The following CFHR2 variants were observed in gnomAD, a reference collection of about 807,000 sequenced individuals.
CFHR2 encodes the protein complement factor H related 2.
In CFHR2, 22 loss-of-function variants were observed where a neutral mutation model predicts 21.7. That is an observed-to-expected ratio of 1.01 (90% confidence interval 0.72 to 1.45). The LOEUF is 1.45. Among genes scored for constraint, CFHR2 ranks in the 40% most tolerant of loss-of-function variants. The pLI is 0.00. For synonymous variants in CFHR2, 98 were observed against 97.4 expected, an observed-to-expected ratio of 1.01 and a Z score of -0.04; for missense variants, 294 against 293.3, an observed-to-expected ratio of 1.00 and a Z score of -0.02.
chr1:196,956,482 A>T (rs144899945), intron 3 of CFHR2, among the ~76,000 whole-genome samples: 109 of 151,754 alleles, frequency 7.2e-4, no homozygotes, highest in African/African-American at 2.6e-3. Context: ...CTCTTTCTGG[A>T]TTGCCTCTCC....
intron 2 of CFHR2, 141 bp from the exon 3 acceptor site, chr1:196,950,711 G>T: frequency 1.1e-6 from 1 of 881,882 alleles, no homozygotes; most frequent in Non-Finnish European, 1.8e-6. Flanking sequence ...GGCCTCAAAT[G>T]ATCCACTCAC....
In CFHR2 at chr1:196,956,859, C is replaced by T. The variant is rs573371865; in HGVS notation, c.431-1032C>T. On this transcript the variant is annotated intron_variant, in intron 3 of 4. Transcript: ENST00000367415. Reference sequence around the variant, plus strand: ...TTTTAGGTGTTATATTTTGAGTACTCGATTGCAAAAATCTTATTTGGCAGG... The same window carrying T: ...TTTTAGGTGTTATATTTTGAGTACTTGATTGCAAAAATCTTATTTGGCAGG... 9.3e-5 allele frequency among the ~76,000 whole-genome samples: 14 copies of T among 151,062 alleles called. No individual in the cohort carries two copies. The South Asian group carries it at 2.5e-3, about 27-fold the overall frequency.
rs1225175153 is a variant in CFHR2, at chr1:196,950,925, T to C, written c.327T>C (p.Thr109=). The C allele has an allele frequency of 1.2e-6, 2 of 1,613,980 alleles. No individual in the cohort carries two copies. The highest frequency in any genetic ancestry group is 1.7e-6 in the Non-Finnish European group (2 of 1,179,998). ...GACAAACACATCTGGAAGGTGATAC[T>C]GTACAAATTATTTGCAACACAGGAT... is the stretch of plus-strand genomic sequence containing the variant. ...SSGQTHLEGD[T]VQIICNTGYR... The change falls in exon 3 of 5, where the codon ACT becomes ACC. Residue 109 remains threonine, a synonymous_variant. Transcript: ENST00000367415.
At chr1:196,951,111 G>A (rs962564824) in intron 3 of CFHR2, 83 bp downstream of exon 3, 11 of 1,476,040 alleles carry the variant, frequency 7.5e-6, no homozygotes, top group African/African-American at 1.4e-5. Flanking sequence ...TTAAATATAG[G>A]TTAAATATAG....
intron 1 of CFHR2, among the ~76,000 whole-genome samples, chr1:196,947,119 GTA>G (rs1440056190): frequency 6.7e-6 from 1 of 149,690 alleles, no homozygotes; most frequent in Non-Finnish European, 1.5e-5. Flanking sequence ...CTGTACAACT[GTA>G]TATATGTATG....
intron 1 of CFHR2, among the ~76,000 whole-genome samples, chr1:196,947,069 C>T (rs114631700): frequency 3.3e-5 from 5 of 151,848 alleles, no homozygotes; most frequent in Admixed American, 1.3e-4. Context: ...GTCACATGAG[C>T]GATCAGTCAT....
At chr1:196,955,158 A>C (rs76886884) in intron 3 of CFHR2, among the ~76,000 whole-genome samples, 22,040 of 152,056 alleles carry the variant, frequency 0.14, 1,866 homozygotes, top group Middle Eastern at 0.32. Context: ...ACCCTAAATC[A>C]TCTCTCTCAA....
Position 196,949,613 on chromosome 1 carries a change from G to A in CFHR2, c.217G>A (p.Ala73Thr), listed in dbSNP as rs372833461. The change falls in exon 2 of 5, where the codon GCA (alanine) becomes ACA (threonine). Residue 73 changes from alanine to threonine, a missense_variant. By Grantham distance (58) the Ala-to-Thr change is moderately conservative (BLOSUM62 0). Coordinates refer to ENST00000367415, the MANE Select transcript of CFHR2 (RefSeq NM_005666.4). Reference protein sequence around the residue: ...SKSFWTRITCAEEGWSPTPKC... With the variant: ...SKSFWTRITCTEEGWSPTPKC... ...ATCCTTTTGGACTCGCATAACGTGC[G>A]CAGAAGAAGGATGGTCACCAACACC... 3.2e-4 allele frequency: 512 copies of A among 1,613,890 alleles called. No homozygotes were observed. The highest frequency in any genetic ancestry group is 1.0e-3 in the African/African-American group (76 of 74,986).
chr1:196,947,153 G>GTGTGTATATA (rs545777035), intron 1 of CFHR2, among the ~76,000 whole-genome samples: 39 of 151,776 alleles, frequency 2.6e-4, no homozygotes, highest in African/African-American at 7.5e-4. Flanking sequence ...GTGTGTGTGT[G>GTGTGTATATA]TATCCCAGAA....
intron 3 of CFHR2, among the ~76,000 whole-genome samples, chr1:196,954,685 A>AC (rs1036213683): frequency 2.0e-5 from 3 of 151,916 alleles, no homozygotes; most frequent in African/African-American, 7.3e-5. Context: ...ACCAAAAAAA[A>AC]ACCTCAAATC....
intron 2 of CFHR2, 28 bp downstream of exon 2, chr1:196,949,677 G>A: frequency 4.4e-6 from 7 of 1,608,948 alleles, no homozygotes; most frequent in Non-Finnish European, 6.0e-6. Flanking sequence ...TCATTAAATG[G>A]ATGTCATTCA....
In CFHR2 at chr1:196,957,971, G is replaced by T; in HGVS notation, c.511G>T (p.Gly171Cys). Residue 171 changes from glycine to cysteine, a missense_variant, in exon 4 of 5, where the codon GGT becomes TGT. Coordinates refer to ENST00000367415, the MANE Select transcript of CFHR2 (RefSeq NM_005666.4). ...TSFLLSVYAP[G>C]SSVEYQCQNL... Reference sequence around the variant, plus strand: ...ATTCCTGTTGTCAGTATATGCTCCAGGTTCATCAGTTGAGTACCAGTGCCA... The same window carrying T: ...ATTCCTGTTGTCAGTATATGCTCCATGTTCATCAGTTGAGTACCAGTGCCA... 1 of 1,613,666 alleles carries T rather than the reference G, an allele frequency of 6.2e-7. No homozygotes were observed. The highest frequency in any genetic ancestry group is 8.5e-7 in the Non-Finnish European group (1 of 1,179,722).
Position 196,955,324 on chromosome 1 carries a change from G to A in CFHR2, c.431-2567G>A, listed in dbSNP as rs534101236. 5.9e-5 allele frequency among the ~76,000 whole-genome samples: 9 copies of A among 152,188 alleles called. No homozygotes were observed. The South Asian group carries it at 1.9e-3, about 32-fold the overall frequency. On this transcript the variant is annotated intron_variant, in intron 3 of 4. Transcript: ENST00000367415. ...GACTTCATTGTCCATATCTCTATAA[G>A]CATTTTGGTCAAAACCATTGAACAA...
At chr1:196,944,434 A>G (rs1410006669) in intron 1 of CFHR2, among the ~76,000 whole-genome samples, 3 of 152,068 alleles carry the variant, frequency 2.0e-5, no homozygotes, top group Non-Finnish European at 4.4e-5. Context: ...GAAACAATAG[A>G]AAATATCATT....
chr1:196,952,053 C>G (rs963528350), intron 3 of CFHR2, among the ~76,000 whole-genome samples: 1 of 152,060 alleles, frequency 6.6e-6, no homozygotes, highest in African/African-American at 2.4e-5. Flanking sequence ...AAATAGAATC[C>G]GTGGTATGCC....
At chr1:196,947,287 G>T (rs937519096) in intron 1 of CFHR2, among the ~76,000 whole-genome samples, 13 of 152,132 alleles carry the variant, frequency 8.5e-5, no homozygotes, top group African/African-American at 2.7e-4. Context: ...TAGCACCATT[G>T]CAGATATGCA....
intron 2 of CFHR2, among the ~76,000 whole-genome samples, chr1:196,949,894 G>C (rs903083088): frequency 1.5e-4 from 23 of 152,164 alleles, no homozygotes; most frequent in Admixed American, 1.1e-3. Flanking sequence ...TTAAACTGAT[G>C]ATTAATATAT....
intron 1 of CFHR2, among the ~76,000 whole-genome samples, chr1:196,949,125 G>C (rs1276036768): frequency 6.6e-6 from 1 of 152,180 alleles, no homozygotes; most frequent in African/African-American, 2.4e-5. Context: ...ATACTAAGTA[G>C]ATCAGGAAGA....
chr1:196,956,616 T>C (rs1478584845), intron 3 of CFHR2, among the ~76,000 whole-genome samples: 3 of 152,192 alleles, frequency 2.0e-5, no homozygotes, highest in African/African-American at 7.2e-5. Context: ...TTTATTCATC[T>C]GTCATCTCCC....
Sources: allele counts gnomAD v4.1 joint callset (sites outside exome capture counted in the v4.1 genomes callset), GRCh38; gene constraint gnomAD v4.1.1; transcripts MANE v1.5; gene names NCBI Gene and HGNC (gene_info 2026-07-23, HGNC 2026-07-21).